The following NEK10 variants were observed in gnomAD, a reference collection of about 807,000 sequenced individuals.
NEK10 encodes NIMA related kinase 10.
Under a neutral mutation model 159.8 loss-of-function variants are expected in NEK10, and 122 were observed. The observed-to-expected ratio is 0.76, with a 90% CI of 0.66 to 0.89. The LOEUF (loss-of-function observed/expected upper bound fraction) is 0.89, where lower values mean the gene tolerates loss of function less well. Ranked by LOEUF, NEK10 falls within the 40% of genes least tolerant of loss-of-function variation. The pLI is 0.00. For synonymous variants in NEK10, 466 were observed against 457.1 expected (o/e 1.02, Z -0.25); for missense variants, 1,342 against 1,323.1 (o/e 1.01, Z -0.22).
In NEK10 at chr3:27,331,262, A is replaced by AAAAAAAAAAAAAAAAAAAAAAAAAAACAC; in HGVS notation, c.363-9002_363-9001insGTGTTTTTTTTTTTTTTTTTTTTTTTTTT. Among the ~76,000 whole-genome samples, 5 of 110,078 alleles carry AAAAAAAAAAAAAAAAAAAAAAAAAAACAC rather than the reference A, an allele frequency of 4.5e-5. 1 individual carries two copies. The highest frequency in any genetic ancestry group is 1.2e-4 in the Admixed American group (1 of 8,166). 72.2% of individuals were successfully genotyped at this position (110,078 alleles called of 152,430 possible). ...CAAAAAAAAAAAAACAAAAAAAAAA[A>AAAAAAAAAAAAAAAAAAAAAAAAAAACAC]ACACACAAACCTAAGACTTTTGAGG... is the stretch of plus-strand genomic sequence containing the variant. On this transcript the variant is annotated intron_variant, in intron 5 of 35. Coordinates refer to ENST00000691995, the MANE Select transcript of NEK10 (RefSeq NM_001394966.1).
chr3:27,304,662 G>A (rs2044095557), intron 12 of NEK10, 85 bp downstream of exon 12: 2 of 831,310 alleles, frequency 2.4e-6, no homozygotes, highest in Admixed American at 3.8e-5. Context: ...GGAATGAGGT[G>A]ACACACACCA....
chr3:27,116,801 G>A (rs1940512536), intron 33 of NEK10, among the ~76,000 whole-genome samples: 1 of 151,614 alleles, frequency 6.6e-6, no homozygotes, highest in African/African-American at 2.4e-5. Context: ...TGGCTGGCCA[G>A]ATTTTTTTTT....
intron 31 of NEK10, among the ~76,000 whole-genome samples, chr3:27,138,058 G>A (rs1437820410): frequency 6.6e-6 from 1 of 152,198 alleles, no homozygotes; most frequent in East Asian, 1.9e-4. Flanking sequence ...GCTGAAGGAG[G>A]ATGGATCTTG....
At chr3:27,313,264 C>CA (rs35978667) in intron 7 of NEK10, among the ~76,000 whole-genome samples, 2,303 of 134,226 alleles carry the variant, frequency 0.017, 15 homozygotes, top group South Asian at 0.023. Flanking sequence ...GACCCTATCT[C>CA]AAAAAAAAAA....
intron 22 of NEK10, among the ~76,000 whole-genome samples, chr3:27,271,278 G>A (rs530784538): frequency 6.6e-6 from 1 of 151,836 alleles, no homozygotes; most frequent in Admixed American, 6.6e-5. Context: ...GTATAAGGTG[G>A]TGTTAACAAC....
chr3:27,366,485 T>C (rs1470021073), intron 1 of NEK10, among the ~76,000 whole-genome samples: 1 of 152,238 alleles, frequency 6.6e-6, no homozygotes, highest in Non-Finnish European at 1.5e-5. Flanking sequence ...GACTTCAGCC[T>C]CAAAGCTTGA....
chr3:27,129,728 C>T lies in NEK10; in HGVS notation c.3081+2152G>A, dbSNP rs547103309. Reference sequence around the variant, plus strand: ...ACCACATGCCAGGCACTGTGCAAGGCCCTGGGGAATCAAAGATAAATAAGA... The same window carrying T: ...ACCACATGCCAGGCACTGTGCAAGGTCCTGGGGAATCAAAGATAAATAAGA... On this transcript the variant is annotated intron_variant, in intron 32 of 35. Transcript: ENST00000691995. Among the ~76,000 whole-genome samples, 7 of 152,076 alleles carry T rather than the reference C, an allele frequency of 4.6e-5. No individual in the cohort carries two copies. In the South Asian group the frequency reaches 1.5e-3, roughly 32 times the overall value.
At chr3:27,331,262 A>AAAAAAAAAAAAAAAAAAACAAAAAAAC in intron 5 of NEK10, among the ~76,000 whole-genome samples, 1 of 110,082 alleles carries the variant, frequency 9.1e-6, no homozygotes, top group Non-Finnish European at 2.0e-5. Flanking sequence ...AAAAAAAAAA[A>AAAAAAAAAAAAAAAAAAACAAAAAAAC]ACACACAAAC....
In NEK10 at chr3:27,143,491, A is replaced by C. The variant is rs760369663; in HGVS notation, c.2870-1909T>G. On this transcript the variant is annotated intron_variant, in intron 30 of 35. Coordinates refer to ENST00000691995, the MANE Select transcript of NEK10 (RefSeq NM_001394966.1). ...TCTGTGGCCCTAAATACAAAAACAAAGAGTTAGCTAGAATGTCTTCCTTCT... is the reference window on the plus strand; with the variant it reads ...TCTGTGGCCCTAAATACAAAAACAACGAGTTAGCTAGAATGTCTTCCTTCT... 4.0e-6 allele frequency: 3 copies of C among 756,418 alleles called. No homozygotes were observed. In the South Asian group the frequency reaches 4.2e-5, roughly 10 times the overall value. The allele number at this position is 756,418 out of a possible 1,614,324, so 46.9% of individuals were successfully genotyped here.
chr3:27,288,728 G>A (rs1454263081), intron 19 of NEK10, among the ~76,000 whole-genome samples: 1 of 152,180 alleles, frequency 6.6e-6, no homozygotes, highest in African/African-American at 2.4e-5. Context: ...CTAGAAGAAT[G>A]CTAATAATTT....
At chr3:27,346,295 T>C in intron 3 of NEK10, 79 bp from the exon 4 acceptor site, 1 of 1,452,710 alleles carries the variant, frequency 6.9e-7, no homozygotes, top group Non-Finnish European at 9.5e-7. Flanking sequence ...ATGGGGAGGA[T>C]GAAGAGACTG....
intron 12 of NEK10, among the ~76,000 whole-genome samples, chr3:27,302,909 C>T (rs1266204786): frequency 1.3e-5 from 2 of 152,092 alleles, no homozygotes; most frequent in East Asian, 3.9e-4. Flanking sequence ...CAAGAGAGCC[C>T]TTTGGGAGCT....
chr3:27,271,152 T>C (rs2041315223), intron 22 of NEK10, among the ~76,000 whole-genome samples: 1 of 22,508 alleles, frequency 4.4e-5, no homozygotes, highest in Admixed American at 2.9e-4. Context: ...ATCTATCTTC[T>C]ATCTATCTAT....
intron 11 of NEK10, among the ~76,000 whole-genome samples, 154 bp downstream of exon 11, chr3:27,307,705 A>G (rs1389913990): frequency 6.6e-6 from 1 of 152,212 alleles, no homozygotes; most frequent in African/African-American, 2.4e-5. Context: ...TCTTTGCTCT[A>G]TTTTCTTTAT....
chr3:27,119,598 A>G (rs888138435), intron 33 of NEK10, among the ~76,000 whole-genome samples, 162 bp downstream of exon 33: 4 of 152,170 alleles, frequency 2.6e-5, no homozygotes, highest in African/African-American at 4.8e-5. Context: ...AATTTCAGGG[A>G]ATTTCTAGAT....
At chr3:27,112,006 C>T (rs1939634264) in intron 35 of NEK10, among the ~76,000 whole-genome samples, 1 of 152,168 alleles carries the variant, frequency 6.6e-6, no homozygotes, top group Non-Finnish European at 1.5e-5. Flanking sequence ...CAGCTTTCTT[C>T]CTTCCAACTC....
At chr3:27,342,378 G>A (rs1016472745) in intron 5 of NEK10, among the ~76,000 whole-genome samples, 1 of 152,140 alleles carries the variant, frequency 6.6e-6, no homozygotes, top group Non-Finnish European at 1.5e-5. Flanking sequence ...AGGCACAATG[G>A]AAAACCTTTA....
chr3:27,284,211 C>A (rs1171283519), intron 22 of NEK10, among the ~76,000 whole-genome samples: 1 of 152,044 alleles, frequency 6.6e-6, no homozygotes, highest in Non-Finnish European at 1.5e-5. Context: ...CATGGTGAAA[C>A]CCTGTCTCTA....
chr3:27,269,463 C>T (rs1216409583), intron 22 of NEK10, among the ~76,000 whole-genome samples: 1 of 152,178 alleles, frequency 6.6e-6, no homozygotes, highest in African/African-American at 2.4e-5. Flanking sequence ...AGTCATGACC[C>T]TCCACCAGCA....
Sources: gnomAD v4.1 joint callset for allele counts (sites outside exome capture counted in the v4.1 genomes callset) on GRCh38, gnomAD v4.1.1 for gene constraint, MANE v1.5 for transcripts, NCBI Gene and HGNC (gene_info 2026-07-23, HGNC 2026-07-21) for gene names.